Variants in NXPE2 observed in about 807,000 individuals in gnomAD.
NXPE2 encodes the protein neurexophilin and PC-esterase domain family member 2, also known as NXPE family member 2.
NXPE2 carries 34 observed loss-of-function variants against 34.4 expected under a neutral mutation model. The ratio of observed to expected loss-of-function variants is 0.99; its 90% CI spans 0.75 to 1.31. The LOEUF (loss-of-function observed/expected upper bound fraction) is 1.31, where lower values mean the gene tolerates loss of function less well. Among genes scored for constraint, NXPE2 ranks in the 40% most tolerant of loss-of-function variants. NXPE2 has a pLI of 0.00. For synonymous variants in NXPE2, 235 were observed against 231.3 expected (o/e 1.02, Z -0.15); for missense variants, 649 against 672.5 (o/e 0.97, Z 0.39).
At chr11:114,471,852 C>T in the NXPE2 span, among the ~76,000 whole-genome samples, 1 of 152,074 alleles carries the variant, frequency 6.6e-6, no homozygotes, top group Non-Finnish European at 1.5e-5. Context: ...TTCCTAGGGA[C>T]TGAATAGAAT....
the NXPE2 span, among the ~76,000 whole-genome samples, chr11:114,741,655 A>G: frequency 4.0e-5 from 6 of 151,716 alleles, no homozygotes; most frequent in Non-Finnish European, 8.8e-5. Context: ...CAGAATTTCT[A>G]TTTGGTTCTT....
At chr11:114,682,620 A>T (rs977789617) in intron 2 of NXPE2, among the ~76,000 whole-genome samples, 1 of 152,220 alleles carries the variant, frequency 6.6e-6, no homozygotes, top group African/African-American at 2.4e-5. Flanking sequence ...GGAAGTAATA[A>T]CGTTAATTAA....
chr11:114,587,791 G>T, the NXPE2 span, among the ~76,000 whole-genome samples: 1 of 152,084 alleles, frequency 6.6e-6, no homozygotes, highest in African/African-American at 2.4e-5. Flanking sequence ...ACCATCTTTG[G>T]TCTGCACTCC....
At chr11:114,799,380 G>A in the NXPE2 span, among the ~76,000 whole-genome samples, 1 of 151,742 alleles carries the variant, frequency 6.6e-6, no homozygotes, top group Non-Finnish European at 1.5e-5. Flanking sequence ...CTGAGTTATC[G>A]TTTGGAGAAG....
chr11:114,479,041 A>C, the NXPE2 span, among the ~76,000 whole-genome samples: 1 of 152,152 alleles, frequency 6.6e-6, no homozygotes, highest in Non-Finnish European at 1.5e-5. Flanking sequence ...CCTAACCTGG[A>C]ACTGCAAGAG....
chr11:114,796,519 C>A, the NXPE2 span, among the ~76,000 whole-genome samples: 1 of 150,864 alleles, frequency 6.6e-6, no homozygotes, highest in African/African-American at 2.4e-5. Flanking sequence ...CTCTGAAATT[C>A]AAAAAAAAAT....
chr11:114,796,657 T>G, the NXPE2 span, among the ~76,000 whole-genome samples: 2 of 152,318 alleles, frequency 1.3e-5, no homozygotes, highest in African/African-American at 4.8e-5. Flanking sequence ...ACCTAATGAG[T>G]GCCAGGCTTT....
the NXPE2 span, among the ~76,000 whole-genome samples, chr11:114,806,290 C>T: frequency 6.6e-6 from 1 of 152,196 alleles, no homozygotes; most frequent in South Asian, 2.1e-4. Context: ...CAGAGCGCCT[C>T]TCCTCCTCCA....
chr11:114,570,933 G>A, the NXPE2 span: 1 of 1,549,400 alleles, frequency 6.5e-7, no homozygotes, highest in South Asian at 1.2e-5. Context: ...AGACTTTTGT[G>A]TTATTTAACA....
chr11:114,593,333 A>T, the NXPE2 span, among the ~76,000 whole-genome samples: 3 of 152,264 alleles, frequency 2.0e-5, no homozygotes, highest in South Asian at 6.2e-4. Context: ...CTATAGCAAA[A>T]ATATTTAACA....
chr11:114,792,129 T>C, the NXPE2 span, among the ~76,000 whole-genome samples: 1 of 152,168 alleles, frequency 6.6e-6, no homozygotes, highest in Non-Finnish European at 1.5e-5. Flanking sequence ...GATTGGGATA[T>C]AATGGCTTTG....
At chr11:114,740,918 T>C in the NXPE2 span, among the ~76,000 whole-genome samples, 1 of 152,240 alleles carries the variant, frequency 6.6e-6, no homozygotes, top group Non-Finnish European at 1.5e-5. Flanking sequence ...CATCAAATAA[T>C]GACATTGTCT....
chr11:114,618,580 G>A, the NXPE2 span, among the ~76,000 whole-genome samples: 4 of 151,734 alleles, frequency 2.6e-5, no homozygotes, highest in African/African-American at 4.8e-5. Context: ...GTATTGCCTC[G>A]TGGGTAACAA....
chr11:114,637,530 CGTTA>C, the NXPE2 span, among the ~76,000 whole-genome samples: 1 of 150,694 alleles, frequency 6.6e-6, no homozygotes, highest in African/African-American at 2.4e-5. Context: ...TTATTTTGCT[CGTTA>C]GTTGATACAG....
chr11:114,755,812 G>A, the NXPE2 span, among the ~76,000 whole-genome samples: 10 of 149,790 alleles, frequency 6.7e-5, no homozygotes, highest in East Asian at 9.8e-4. Context: ...AACCACTCTG[G>A]CTGACTATGG....
chr11:114,809,182 T>C, the NXPE2 span, among the ~76,000 whole-genome samples: 1 of 151,980 alleles, frequency 6.6e-6, no homozygotes, highest in Non-Finnish European at 1.5e-5. Context: ...TAGGTATTGA[T>C]GGGACGTATC....
chr11:114,777,336 T>C, the NXPE2 span, among the ~76,000 whole-genome samples: 1 of 152,230 alleles, frequency 6.6e-6, no homozygotes, highest in African/African-American at 2.4e-5. Context: ...TTACATGATT[T>C]GGGGACTGTA....
the NXPE2 span, among the ~76,000 whole-genome samples, chr11:114,472,291 C>A: frequency 6.8e-4 from 104 of 152,232 alleles, no homozygotes; most frequent in African/African-American, 2.3e-3. Flanking sequence ...TGTCCTAAAG[C>A]AGGGGTGTTT....
At chr11:114,586,080 C>G in the NXPE2 span, among the ~76,000 whole-genome samples, 3 of 152,198 alleles carry the variant, frequency 2.0e-5, no homozygotes, top group African/African-American at 4.8e-5. Flanking sequence ...GCAAATGTTA[C>G]ACCTGGGGTG....
Sources: allele counts gnomAD v4.1 joint callset (sites outside exome capture counted in the v4.1 genomes callset), GRCh38; gene constraint gnomAD v4.1.1; transcripts MANE v1.5; gene names NCBI Gene and HGNC (gene_info 2026-07-23, HGNC 2026-07-21).